Variants in SFMBT2 observed in about 807,000 individuals in gnomAD.
SFMBT2 encodes the protein Scm like with four mbt domains 2, also known as scm-like with four MBT domains protein 2.
Under a neutral mutation model 110.1 loss-of-function variants are expected in SFMBT2, and 38 were observed. The observed-to-expected ratio is 0.35, with a 90% CI of 0.27 to 0.45. SFMBT2 has a LOEUF of 0.45. Ranked by LOEUF, SFMBT2 falls within the 20% of genes least tolerant of loss-of-function variation. The probability of loss-of-function intolerance (pLI) is 1.00; values close to 1 mark genes in which losing one functional copy is unlikely to be tolerated. For synonymous variants in SFMBT2, 425 were observed against 425.4 expected, an observed-to-expected ratio of 1.00 and a Z score of 0.01; for missense variants, 1,011 against 1,094.9, an observed-to-expected ratio of 0.92 and a Z score of 1.08.
chr10:7,238,259 ACT>A (rs2131704410), intron 9 of SFMBT2, among the ~76,000 whole-genome samples: 1 of 152,292 alleles, frequency 6.6e-6, no homozygotes, highest in South Asian at 2.1e-4. Flanking sequence ...AAGTGGTGAG[ACT>A]CTGAAAATGT....
chr10:7,340,331 G>A (rs1468217819), intron 4 of SFMBT2, among the ~76,000 whole-genome samples: 1 of 152,068 alleles, frequency 6.6e-6, no homozygotes, highest in Non-Finnish European at 1.5e-5. Context: ...TGTCTCGTGG[G>A]TGGCAGAGGC....
At chr10:7,221,932 C>T (rs1588354119) in intron 10 of SFMBT2, among the ~76,000 whole-genome samples, 2 of 152,188 alleles carry the variant, frequency 1.3e-5, no homozygotes, top group East Asian at 3.8e-4. Context: ...TAATTAGTCC[C>T]TCCAAAGCAC....
intron 12 of SFMBT2, chr10:7,202,785 T>G: frequency 1.0e-6 from 1 of 985,322 alleles, no homozygotes; most frequent in Non-Finnish European, 1.2e-6. Context: ...AATGTGCATT[T>G]AAGAAAGCAA....
rs1007252555 is a variant in SFMBT2 at position 7,316,427 on chromosome 10, C to A, written c.437-30473G>T. Among the ~76,000 whole-genome samples, 11 of 152,268 alleles carry A rather than the reference C, an allele frequency of 7.2e-5. 1 individual carries two copies. In the South Asian group the frequency reaches 2.3e-3, roughly 32 times the overall value. ...CAGCACACCCAGGAAAGGGAAGCGC[C>A]AATGGGTCAGTGATGGGCCCCGCCA... On this transcript the variant is annotated intron_variant, in intron 4 of 20. Transcript: ENST00000397167.
Position 7,217,524 on chromosome 10 carries a change from C to T in SFMBT2, c.1330+2887G>A, listed in dbSNP as rs138272789. Among the ~76,000 whole-genome samples, 1,040 of 152,160 alleles carry T rather than the reference C, an allele frequency of 6.8e-3. 16 individuals are homozygous for T. The highest frequency in any genetic ancestry group is 0.024 in the African/African-American group (976 of 41,492). ...AGCCAGGTGTCCAGGAAAAATGATT[C>T]TGAGAAACAAGACTCCAAAAAAAGA... On this transcript the variant is annotated intron_variant, in intron 11 of 20. Transcript: ENST00000397167.
chr10:7,363,625 C>T (rs868856189), intron 4 of SFMBT2, among the ~76,000 whole-genome samples: 21 of 152,122 alleles, frequency 1.4e-4, no homozygotes, highest in Middle Eastern at 3.2e-3. Context: ...TGATTACAGG[C>T]GTGAGCCACC....
At chr10:7,391,101 CTCAG>C (rs1488276740) in intron 1 of SFMBT2, among the ~76,000 whole-genome samples, 2 of 149,172 alleles carry the variant, frequency 1.3e-5, no homozygotes, top group Admixed American at 6.7e-5. Flanking sequence ...CTCCGACTCA[CTCAG>C]TCAATCAATC....
Position 7,171,558 on chromosome 10 carries a change from G to T in SFMBT2, c.2415+337C>A, listed in dbSNP as rs1837872153. 1.0e-6 allele frequency: 1 copy of T among 985,290 alleles called. No homozygotes were observed. The highest frequency in any genetic ancestry group is 1.2e-6 in the Non-Finnish European group (1 of 829,922). 61.0% of individuals were successfully genotyped at this position (985,290 alleles called of 1,614,324 possible). Reference sequence around the variant, plus strand: ...AGAGGGGACGTGGGAGCAAGACACAGCGCAGTCAGGGGAGATGCGGGGAAG... The same window carrying T: ...AGAGGGGACGTGGGAGCAAGACACATCGCAGTCAGGGGAGATGCGGGGAAG... On this transcript the variant is annotated intron_variant, in intron 19 of 20. Coordinates refer to ENST00000397167, the MANE Select transcript of SFMBT2 (RefSeq NM_001387889.1). This position sits in a 1 kb window ranked among gnomAD's most constrained non-coding sequence, Gnocchi z 4.9.
chr10:7,187,727 T>C (rs554399032), intron 16 of SFMBT2, among the ~76,000 whole-genome samples: 2 of 152,362 alleles, frequency 1.3e-5, no homozygotes, highest in African/African-American at 4.8e-5. Flanking sequence ...TTACCGATCA[T>C]ACAAATTATT....
At chr10:7,273,876 C>A (rs1371072428) in intron 7 of SFMBT2, among the ~76,000 whole-genome samples, 2 of 152,182 alleles carry the variant, frequency 1.3e-5, no homozygotes, top group African/African-American at 2.4e-5. Flanking sequence ...TGTGGCGAGT[C>A]CTCAAGGATC....
chr10:7,361,122 T>C (rs1386749156), intron 4 of SFMBT2, among the ~76,000 whole-genome samples: 3 of 152,230 alleles, frequency 2.0e-5, no homozygotes, highest in East Asian at 1.9e-4. Context: ...AGTGTCTCTC[T>C]GCTTCCCTCA....
chr10:7,265,061 T>C (rs948539392), intron 7 of SFMBT2, among the ~76,000 whole-genome samples: 4 of 151,662 alleles, frequency 2.6e-5, no homozygotes, highest in Admixed American at 6.6e-5. Flanking sequence ...TCGTGGAACA[T>C]GATTTGTTTT....
chr10:7,278,307 C>T (rs1841843805), intron 6 of SFMBT2, among the ~76,000 whole-genome samples: 1 of 152,162 alleles, frequency 6.6e-6, no homozygotes, highest in African/African-American at 2.4e-5. Flanking sequence ...GAAGACACTG[C>T]TTATCACAGG....
intron 8 of SFMBT2, among the ~76,000 whole-genome samples, chr10:7,246,491 C>T (rs1012401488): frequency 4.6e-5 from 7 of 151,944 alleles, no homozygotes; most frequent in Admixed American, 2.0e-4. Context: ...GAGGCTGAGG[C>T]GGGCAGATCA....
chr10:7,277,064 T>C (rs1841803955), intron 6 of SFMBT2, 75 bp from the exon 7 acceptor site: 1 of 774,790 alleles, frequency 1.3e-6, no homozygotes, highest in South Asian at 1.4e-5. Flanking sequence ...TGCATGCTAA[T>C]TCCCAGGCTT....
At chr10:7,226,156 C>T (rs1839890615) in intron 10 of SFMBT2, among the ~76,000 whole-genome samples, 1 of 152,192 alleles carries the variant, frequency 6.6e-6, no homozygotes, top group South Asian at 2.1e-4. Flanking sequence ...GTAAATTCTG[C>T]CTAGATTTTT....
rs1025513034 is a variant in SFMBT2 at position 7,370,199 on chromosome 10, A to T, written c.195+82T>A. The stretch of plus-strand genomic sequence containing the variant: ...TCCCTCTTTCCTCTGCCCTTCTTCC[A>T]TTGAGTTCTCCGGCTTCTCCCTATA... On this transcript the variant is annotated intron_variant, in intron 3 of 20. Transcript: ENST00000397167. 3.4e-5 allele frequency: 44 copies of T among 1,282,698 alleles called. No individual in the cohort carries two copies. In the African/African-American group the frequency reaches 5.6e-4, roughly 16 times the overall value. The allele number at this position is 1,282,698 out of a possible 1,614,324, so 79.5% of individuals were successfully genotyped here. A position where few individuals can be genotyped will look rare whatever the true frequency, so the allele number is the denominator to read the frequency against.
intron 1 of SFMBT2, among the ~76,000 whole-genome samples, chr10:7,409,718 A>G (rs756766465): frequency 3.9e-5 from 6 of 152,018 alleles, no homozygotes; most frequent in Non-Finnish European, 8.8e-5. Context: ...GGGGTAGCCA[A>G]AGAGAGTCGA....
chr10:7,354,161 C>T (rs1564454962), intron 4 of SFMBT2, among the ~76,000 whole-genome samples: 1 of 151,842 alleles, frequency 6.6e-6, no homozygotes, highest in Non-Finnish European at 1.5e-5. Context: ...TTAACAGCAG[C>T]CTATATGCCC....
Sources: gnomAD v4.1 joint callset for allele counts (sites outside exome capture counted in the v4.1 genomes callset) on GRCh38, gnomAD v4.1.1 for gene constraint, Gnocchi (gnomAD v3.1) non-coding constraint, MANE v1.5 for transcripts, NCBI Gene and HGNC (gene_info 2026-07-23, HGNC 2026-07-21) for gene names.